TMPRSS4: variants seen among roughly 807,000 people sequenced by gnomAD.
The protein encoded by TMPRSS4 is transmembrane serine protease 4, also known as transmembrane protease serine 4.
A neutral mutation model predicts 56.4 loss-of-function variants in TMPRSS4; 45 were observed. The observed-to-expected ratio is 0.80, with a 90% CI of 0.63 to 1.02. The LOEUF is 1.02. Ranked by LOEUF, TMPRSS4 falls within the 50% of genes least tolerant of loss-of-function variation. TMPRSS4 has a pLI of 0.00. For missense variants in TMPRSS4, 546 were observed against 556.7 expected (o/e 0.98, Z 0.19); for synonymous variants, 205 against 211.0 (o/e 0.97, Z 0.25).
chr11:118,104,648 T>C (rs1946896314), intron 4 of TMPRSS4, 43 bp from the exon 5 acceptor site: 1 of 1,613,624 alleles, frequency 6.2e-7, no homozygotes, highest in Admixed American at 1.7e-5. Context: ...GATGGGCCAG[T>C]TGGGCCCCCC....
At chr11:118,081,517 C>T (rs1420968980) in intron 1 of TMPRSS4, among the ~76,000 whole-genome samples, 4 of 152,256 alleles carry the variant, frequency 2.6e-5, no homozygotes, top group Non-Finnish European at 5.9e-5. Context: ...GCATAATCCA[C>T]GTGCAACCAG....
intron 1 of TMPRSS4, among the ~76,000 whole-genome samples, chr11:118,085,385 A>C (rs1307716256): frequency 6.6e-6 from 1 of 151,846 alleles, no homozygotes. Flanking sequence ...CACCACGCCC[A>C]GCTAATTTTT....
chr11:118,110,518 A>G (rs1158925493), intron 7 of TMPRSS4, among the ~76,000 whole-genome samples: 6 of 152,082 alleles, frequency 3.9e-5, no homozygotes, highest in Non-Finnish European at 7.4e-5. Context: ...GACTATAGGC[A>G]TGTGCCACCA....
chr11:118,112,081 G>A (rs892903686), intron 8 of TMPRSS4, among the ~76,000 whole-genome samples, 181 bp downstream of exon 8: 1 of 152,176 alleles, frequency 6.6e-6, no homozygotes, highest in Non-Finnish European at 1.5e-5. Context: ...TTGGGTGTCT[G>A]AGCAGAGGGT....
At chr11:118,080,972 A>G (rs1438368520) in intron 1 of TMPRSS4, among the ~76,000 whole-genome samples, 3 of 152,158 alleles carry the variant, frequency 2.0e-5, no homozygotes, top group Non-Finnish European at 4.4e-5. Context: ...CATCTACCAC[A>G]TTTTCTTTTA....
chr11:118,113,183 C>G, intron 8 of TMPRSS4, 86 bp from the exon 9 acceptor site: 1 of 1,402,620 alleles, frequency 7.1e-7, no homozygotes. Flanking sequence ...TCCAGCACCC[C>G]GATCCCTAGG....
At chr11:118,117,848 T>C in intron 12 of TMPRSS4, 54 bp from the exon 13 acceptor site, 1 of 1,614,060 alleles carries the variant, frequency 6.2e-7, no homozygotes, top group East Asian at 2.2e-5. Context: ...ATGTCACCAC[T>C]TTGTCCAGTT....
intron 6 of TMPRSS4, chr11:118,108,561 G>A (rs545143425): frequency 2.8e-4 from 118 of 422,450 alleles, no homozygotes; most frequent in Non-Finnish European, 4.0e-4. Flanking sequence ...ACTCTGTTCC[G>A]GGCTCTGTCC....
At chr11:118,081,126 T>C (rs1310896127) in intron 1 of TMPRSS4, among the ~76,000 whole-genome samples, 1 of 152,228 alleles carries the variant, frequency 6.6e-6, no homozygotes, top group Non-Finnish European at 1.5e-5. Context: ...AGTGGATTGA[T>C]GGATGACAGG....
intron 1 of TMPRSS4, among the ~76,000 whole-genome samples, chr11:118,086,305 C>T (rs950768635): frequency 2.0e-5 from 3 of 152,258 alleles, no homozygotes; most frequent in Non-Finnish European, 4.4e-5. Flanking sequence ...CTCCTCCCTT[C>T]TGCCCCAGGC....
intron 2 of TMPRSS4, 71 bp downstream of exon 2, chr11:118,094,926 C>T: frequency 6.5e-7 from 1 of 1,546,784 alleles, no homozygotes; most frequent in Admixed American, 1.9e-5. Flanking sequence ...GATCCTAAGC[C>T]ACTCGCGCCT....
chr11:118,086,568 G>A (rs1288054687), intron 1 of TMPRSS4, among the ~76,000 whole-genome samples: 1 of 152,198 alleles, frequency 6.6e-6, no homozygotes, highest in African/African-American at 2.4e-5. Context: ...GCTGGTGGCC[G>A]ACCTGCCTAG....
At chr11:118,097,051 G>GGAAAGGAAAGGAAAGGAAAGGAAAGGAAA (rs1946439016) in intron 2 of TMPRSS4, among the ~76,000 whole-genome samples, 1 of 151,148 alleles carries the variant, frequency 6.6e-6, no homozygotes, top group African/African-American at 2.4e-5. Context: ...AGAAAGGAAA[G>GGAAAGGAAAGGAAAGGAAAGGAAAGGAAA]GAAAGGAAAG....
chr11:118,108,166 T>C (rs1312618002), intron 6 of TMPRSS4: 2 of 287,834 alleles, frequency 6.9e-6, no homozygotes, highest in Non-Finnish European at 1.3e-5. Flanking sequence ...GGATAGTAAA[T>C]AGTTTTTGCT....
intron 3 of TMPRSS4, 146 bp downstream of exon 3, chr11:118,099,244 C>A (rs1456141848): frequency 1.7e-6 from 1 of 598,574 alleles, no homozygotes; most frequent in African/African-American, 1.9e-5. Context: ...CCTGCCCTCA[C>A]CCACTCAGTA....
chr11:118,104,171 C>T (rs78594417), intron 4 of TMPRSS4, among the ~76,000 whole-genome samples: 227 of 152,256 alleles, frequency 1.5e-3, no homozygotes, highest in African/African-American at 5.1e-3. Context: ...TGTGTATTTG[C>T]TCTTTCTTTA....
intron 3 of TMPRSS4, among the ~76,000 whole-genome samples, chr11:118,101,286 G>T (rs140722287): frequency 5.2e-4 from 79 of 152,298 alleles, no homozygotes; most frequent in Non-Finnish European, 8.7e-4. Context: ...TGTATGGAAA[G>T]CTCCTGACAC....
chr11:118,094,958 A>C, intron 2 of TMPRSS4, 103 bp downstream of exon 2: 1 of 1,195,578 alleles, frequency 8.4e-7, no homozygotes, highest in Non-Finnish European at 1.2e-6. Context: ...CCACCACCAA[A>C]GTGCTAAGTG....
At chr11:118,096,937 A>G (rs1946379257) in intron 2 of TMPRSS4, among the ~76,000 whole-genome samples, 1 of 85,932 alleles carries the variant, frequency 1.2e-5, no homozygotes, top group Non-Finnish European at 2.8e-5. Context: ...AGAAAGAAAG[A>G]GAAAGAAAGA....
Sources: gnomAD v4.1 joint callset for allele counts (sites outside exome capture counted in the v4.1 genomes callset) on GRCh38, gnomAD v4.1.1 for gene constraint, MANE v1.5 for transcripts, NCBI Gene and HGNC (gene_info 2026-07-23, HGNC 2026-07-21) for gene names.